Variants in SBSPON observed in about 807,000 individuals in gnomAD.
SBSPON encodes the protein somatomedin B and thrombospondin type 1 domain containing, also known as somatomedin-B and thrombospondin type-1 domain-containing protein.
SBSPON carries 30 observed loss-of-function variants against 35.8 expected under a neutral mutation model. That is an observed-to-expected ratio of 0.84 (90% CI 0.63 to 1.14). The LOEUF (loss-of-function observed/expected upper bound fraction) is 1.14. Among genes scored for constraint, SBSPON ranks in the 50% most tolerant of loss-of-function variants. The probability of loss-of-function intolerance (pLI) is 0.00; values close to 1 mark genes in which losing one functional copy is unlikely to be tolerated. For missense variants in SBSPON, 364 were observed against 357.7 expected (o/e 1.02, Z -0.14); for synonymous variants, 136 against 135.9 (o/e 1.00, Z 0.00).
chr8:73,073,692 C>G (rs1224654840), intron 2 of SBSPON, among the ~76,000 whole-genome samples: 3 of 151,898 alleles, frequency 2.0e-5, no homozygotes, highest in African/African-American at 7.3e-5. Context: ...GGCCATAGAC[C>G]CATCTGTTCG....
At chr8:73,075,440 T>C (rs928760689) in intron 2 of SBSPON, among the ~76,000 whole-genome samples, 1 of 152,266 alleles carries the variant, frequency 6.6e-6, no homozygotes, top group African/African-American at 2.4e-5. Context: ...CCCGCCACAC[T>C]TCTGCTAATG....
intron 2 of SBSPON, among the ~76,000 whole-genome samples, chr8:73,073,654 C>T (rs940292283): frequency 6.6e-6 from 1 of 151,936 alleles, no homozygotes; most frequent in African/African-American, 2.4e-5. Context: ...AAAAATTTTA[C>T]AAAAATGAGC....
chr8:73,093,039 GC>G lies in SBSPON; in HGVS notation c.28del (p.Ala10ArgfsTer132), dbSNP rs1472449445. ...GGCCCCGGGCCACAGCCGCGACAGC[GC>G]GCACAGCGCCATCCACAGGGTCCTC... MRTLWMALC[A>X]LSRLWPGAQA... On this transcript the variant is annotated frameshift_variant, in exon 1 of 5. Transcript: ENST00000297354. LOFTEE classifies it high-confidence loss of function. The G allele has an allele frequency of 2.2e-6, 3 of 1,379,582 alleles. No individual in the cohort carries two copies. Among genetic ancestry groups the G allele is most frequent in the Non-Finnish European group, 2.8e-6 (3 of 1,072,600 alleles). The allele number at this position is 1,379,582 out of a possible 1,614,324, so 85.5% of individuals were successfully genotyped here. A position where few individuals can be genotyped will look rare whatever the true frequency, so the allele number is the denominator to read the frequency against.
At chr8:73,091,850 G>C (rs1048498969) in intron 1 of SBSPON, among the ~76,000 whole-genome samples, 2 of 152,196 alleles carry the variant, frequency 1.3e-5, no homozygotes, top group Non-Finnish European at 2.9e-5. Flanking sequence ...GAGGCAGGAG[G>C]GTGCTCCCCG....
At chr8:73,076,473 C>A (rs1810596726) in intron 2 of SBSPON, among the ~76,000 whole-genome samples, 1 of 151,928 alleles carries the variant, frequency 6.6e-6, no homozygotes, top group African/African-American at 2.4e-5. Context: ...AGGGCGAAAC[C>A]CCATCTCTAC....
chr8:73,071,946 CCTGT>C (rs1810501464), intron 2 of SBSPON, 76 bp from the exon 3 acceptor site: 1 of 894,496 alleles, frequency 1.1e-6, no homozygotes, highest in African/African-American at 1.6e-5. Flanking sequence ...TGGTTTTGTA[CCTGT>C]CTAAGGGTCT....
At chr8:73,073,625 G>A (rs1161298168) in intron 2 of SBSPON, among the ~76,000 whole-genome samples, 2 of 152,084 alleles carry the variant, frequency 1.3e-5, no homozygotes, top group African/African-American at 4.8e-5. Flanking sequence ...GGCCAACATG[G>A]TGAAACCCTG....
intron 1 of SBSPON, among the ~76,000 whole-genome samples, chr8:73,084,908 T>C (rs1237029800): frequency 6.6e-6 from 1 of 152,188 alleles, no homozygotes; most frequent in Non-Finnish European, 1.5e-5. Flanking sequence ...ATCATGATAG[T>C]TTTCTATTTC....
At chr8:73,089,934 C>A (rs914950580) in intron 1 of SBSPON, among the ~76,000 whole-genome samples, 8 of 152,186 alleles carry the variant, frequency 5.3e-5, no homozygotes, top group African/African-American at 1.9e-4. Context: ...AGTGCAGTGG[C>A]ATGGTCACAA....
rs1810948201 is a variant in SBSPON at position 73,092,194 on chromosome 8, A to ATAGG, written c.214+656_214+659dup. 2.6e-5 allele frequency among the ~76,000 whole-genome samples: 4 copies of ATAGG among 151,346 alleles called. 1 individual carries two copies. In the South Asian group the frequency reaches 8.3e-4, roughly 31 times the overall value. On this transcript the variant is annotated intron_variant, in intron 1 of 4. Coordinates refer to ENST00000297354, the MANE Select transcript of SBSPON (RefSeq NM_153225.4). Reference sequence around the variant, plus strand: ...GGAAAACCAGCAAGATTACAACATAATAGGGACCTCGAGATAAAATCCTTG... The same window carrying ATAGG: ...GGAAAACCAGCAAGATTACAACATAATAGGTAGGGACCTCGAGATAAAATCCTTG...
At chr8:73,071,489 A>G (rs951205041) in intron 3 of SBSPON, among the ~76,000 whole-genome samples, 18 of 152,208 alleles carry the variant, frequency 1.2e-4, no homozygotes, top group African/African-American at 4.3e-4. Flanking sequence ...AAAGACTGTA[A>G]GAGAAGCATC....
intron 1 of SBSPON, among the ~76,000 whole-genome samples, chr8:73,089,611 A>G (rs1467837118): frequency 6.6e-6 from 1 of 152,186 alleles, no homozygotes; most frequent in African/African-American, 2.4e-5. Context: ...AGTATTAAGT[A>G]TCTGGCACAT....
chr8:73,080,828 C>T (rs139338415), intron 2 of SBSPON, among the ~76,000 whole-genome samples, 191 bp downstream of exon 2: 112 of 152,254 alleles, frequency 7.4e-4, no homozygotes, highest in African/African-American at 2.5e-3. Flanking sequence ...GAAAGGGAGG[C>T]GTCTGCACAG....
At chr8:73,082,177 G>A (rs748869581) in intron 1 of SBSPON, among the ~76,000 whole-genome samples, 35 of 152,162 alleles carry the variant, frequency 2.3e-4, no homozygotes, top group Non-Finnish European at 4.4e-4. Flanking sequence ...TCAATATGGC[G>A]TCACGTTTAA....
In SBSPON at chr8:73,067,428, A is replaced by G. The variant is rs558495927; in HGVS notation, c.708T>C (p.Gly236=). ...GNQTLHWQAI[G]NPRCQGTWKK... ...TCCAAGTTCCTTGACACCGAGGATTACCAATTGCTTGCCAATGGAGAGTCT... is the reference window on the plus strand; with the variant it reads ...TCCAAGTTCCTTGACACCGAGGATTGCCAATTGCTTGCCAATGGAGAGTCT... Residue 236 remains glycine (G), a synonymous_variant, in exon 5 of 5, where the codon GGT becomes GGC. Coordinates refer to ENST00000297354, the MANE Select transcript of SBSPON (RefSeq NM_153225.4). 6.2e-7 allele frequency: 1 copy of G among 1,610,172 alleles called. No homozygotes were observed. Among genetic ancestry groups the G allele is most frequent in the African/African-American group, 1.3e-5 (1 of 74,584 alleles).
chr8:73,067,492 A>G (rs755011200), intron 4 of SBSPON, 34 bp from the exon 5 acceptor site: 1 of 1,281,552 alleles, frequency 7.8e-7, no homozygotes, highest in Non-Finnish European at 1.1e-6. Flanking sequence ...TAGTTACACT[A>G]AAAGCATACC....
intron 1 of SBSPON, among the ~76,000 whole-genome samples, chr8:73,082,506 C>A (rs1471699563): frequency 6.6e-6 from 1 of 152,164 alleles, no homozygotes; most frequent in African/African-American, 2.4e-5. Context: ...GGGTCCCATG[C>A]AACATAAACA....
At position 73,093,102 on chromosome 8, in the gene SBSPON, AC is replaced by A. The variant is rs777927962; in HGVS notation, c.-36del. The A allele has an allele frequency of 0.015, 18,545 of 1,204,418 alleles. 177 individuals carry two copies. Among genetic ancestry groups the A allele is most frequent in the Non-Finnish European group, 0.018 (17,171 of 944,824 alleles). The allele number at this position is 1,204,418 out of a possible 1,614,324, so 74.6% of individuals were successfully genotyped here. On this transcript the variant is annotated 5_prime_UTR_variant, in exon 1 of 5. Transcript: ENST00000297354. ...TCCGGCGGCGCCTGCGACGCGACAGACCCCCGGGGCAAGCGCTCTGATCCTC... is the reference window on the plus strand; with the variant it reads ...TCCGGCGGCGCCTGCGACGCGACAGACCCCGGGGCAAGCGCTCTGATCCTC...
chr8:73,087,331 A>C (rs1487715513), intron 1 of SBSPON, among the ~76,000 whole-genome samples: 1 of 152,174 alleles, frequency 6.6e-6, no homozygotes, highest in Non-Finnish European at 1.5e-5. Context: ...AACGAGACCA[A>C]AATGAGGACT....
Sources: allele counts gnomAD v4.1 joint callset (sites outside exome capture counted in the v4.1 genomes callset), GRCh38; gene constraint gnomAD v4.1.1; transcripts MANE v1.5; gene names NCBI Gene and HGNC (gene_info 2026-07-23, HGNC 2026-07-21).